Variants in SLC4A10 observed in about 807,000 individuals in gnomAD.
The protein encoded by SLC4A10 is solute carrier family 4 member 10.
A neutral mutation model predicts 137.7 loss-of-function variants in SLC4A10; 42 were observed. The ratio of observed to expected loss-of-function variants is 0.30; its 90% confidence interval spans 0.24 to 0.39. The LOEUF (loss-of-function observed/expected upper bound fraction) is 0.39. SLC4A10 is among the 10% of genes least tolerant of loss of function. The probability of loss-of-function intolerance (pLI) is 1.00; values close to 1 mark genes in which losing one functional copy is unlikely to be tolerated. For missense variants in SLC4A10, 925 were observed against 1,355.0 expected (o/e 0.68, Z 4.98); for synonymous variants, 474 against 464.1 (o/e 1.02, Z -0.27).
intron 4 of SLC4A10, among the ~76,000 whole-genome samples, chr2:161,843,704 T>C (rs567234818): frequency 5.8e-4 from 89 of 152,294 alleles, no homozygotes; most frequent in African/African-American, 1.6e-3. Flanking sequence ...ATTTTTCACA[T>C]GCAATTTAAT....
chr2:161,887,939 T>G (rs764849161), intron 10 of SLC4A10, among the ~76,000 whole-genome samples: 1 of 152,202 alleles, frequency 6.6e-6, no homozygotes, highest in Non-Finnish European at 1.5e-5. Context: ...GGGCTTTAGG[T>G]CTTACATTTA....
intron 15 of SLC4A10, among the ~76,000 whole-genome samples, chr2:161,907,186 A>G (rs1684639807): frequency 6.6e-6 from 1 of 152,208 alleles, no homozygotes; most frequent in Non-Finnish European, 1.5e-5. Flanking sequence ...ATTTTTGAAC[A>G]AGAAAAATCA....
intron 1 of SLC4A10, among the ~76,000 whole-genome samples, chr2:161,695,886 A>AT (rs1559049533): frequency 2.6e-5 from 4 of 152,200 alleles, no homozygotes; most frequent in African/African-American, 4.8e-5. Flanking sequence ...CTACCTGACA[A>AT]TTATTTATTT....
intron 1 of SLC4A10, among the ~76,000 whole-genome samples, chr2:161,755,647 A>C (rs2049536876): frequency 6.6e-6 from 1 of 151,900 alleles, no homozygotes; most frequent in South Asian, 2.1e-4. Context: ...TCTTTTAGAG[A>C]TTTTACATTT....
chr2:161,836,669 C>T lies in SLC4A10; in HGVS notation c.278-3120C>T, dbSNP rs553855901. 3.5e-4 allele frequency among the ~76,000 whole-genome samples: 50 copies of T among 141,462 alleles called. 3 individuals carry two copies. The highest frequency in any genetic ancestry group is 2.3e-4 in the Non-Finnish European group (15 of 64,518). 92.8% of individuals were successfully genotyped at this position (141,462 alleles called of 152,430 possible). On this transcript the variant is annotated intron_variant, in intron 3 of 26. Transcript: ENST00000446997. ...AAAATTTCTGGAAAAAAAAAAACCC[C>T]ATAAACTTACACATTGAAGAAGCTC...
At chr2:161,931,987 G>C (rs1690480945) in intron 15 of SLC4A10, among the ~76,000 whole-genome samples, 1 of 152,152 alleles carries the variant, frequency 6.6e-6, no homozygotes. Context: ...ACTCCTGCAA[G>C]AAATTTGCCA....
At chr2:161,814,500 C>T (rs373021067) in intron 3 of SLC4A10, among the ~76,000 whole-genome samples, 2 of 152,050 alleles carry the variant, frequency 1.3e-5, no homozygotes, top group Non-Finnish European at 2.9e-5. Context: ...GTGCTATTCA[C>T]CATGGCAAAG....
At chr2:161,919,901 G>A (rs931984637) in intron 15 of SLC4A10, among the ~76,000 whole-genome samples, 1 of 152,138 alleles carries the variant, frequency 6.6e-6, no homozygotes, top group Admixed American at 6.5e-5. Context: ...CCTCTTTGGG[G>A]CTCTGCAGTT....
intron 10 of SLC4A10, 105 bp downstream of exon 10, chr2:161,882,549 A>G: frequency 3.5e-6 from 2 of 574,860 alleles, no homozygotes; most frequent in South Asian, 8.4e-5. Context: ...ATTTCTCTGT[A>G]TTGAATCCCA....
intron 23 of SLC4A10, among the ~76,000 whole-genome samples, chr2:161,967,105 AT>A (rs1697740010): frequency 6.6e-6 from 1 of 152,146 alleles, no homozygotes; most frequent in Admixed American, 6.5e-5. Context: ...GAAAAAAAAA[AT>A]TCCCTGGCCA....
chr2:161,816,978 C>G (rs1431948968), intron 3 of SLC4A10, among the ~76,000 whole-genome samples: 6 of 152,240 alleles, frequency 3.9e-5, no homozygotes, highest in Admixed American at 3.9e-4. Context: ...GATTTATAGT[C>G]CTTTGGGTAT....
intron 12 of SLC4A10, chr2:161,901,890 C>G (rs1209186288): frequency 2.7e-6 from 1 of 371,488 alleles, no homozygotes; most frequent in African/African-American, 2.1e-5. Flanking sequence ...GTTACTCATT[C>G]TGTTTGCTTT....
intron 1 of SLC4A10, among the ~76,000 whole-genome samples, 194 bp downstream of exon 1, chr2:161,624,760 C>G (rs570157570): frequency 1.3e-5 from 2 of 151,958 alleles, no homozygotes; most frequent in African/African-American, 4.8e-5. Context: ...CCTCCCCCCC[C>G]CTTCTCAATA....
At chr2:161,966,743 A>AAAAC (rs1553645655) in intron 23 of SLC4A10, among the ~76,000 whole-genome samples, 1 of 149,726 alleles carries the variant, frequency 6.7e-6, no homozygotes, top group Admixed American at 6.7e-5. Context: ...CTCAAAAAAA[A>AAAAC]AAAAAACAAA....
chr2:161,932,130 A>T (rs1362454944), intron 15 of SLC4A10, among the ~76,000 whole-genome samples: 1 of 152,192 alleles, frequency 6.6e-6, no homozygotes, highest in East Asian at 1.9e-4. Context: ...AGTAACAGAG[A>T]AATCAATTTG....
chr2:161,765,164 T>C (rs1318221240), intron 1 of SLC4A10, among the ~76,000 whole-genome samples: 1 of 152,146 alleles, frequency 6.6e-6, no homozygotes, highest in Non-Finnish European at 1.5e-5. Flanking sequence ...ATAGTAAGTA[T>C]TGGTTTGTGA....
At chr2:161,713,390 A>C (rs2044503464) in intron 1 of SLC4A10, among the ~76,000 whole-genome samples, 1 of 151,810 alleles carries the variant, frequency 6.6e-6, no homozygotes, top group Admixed American at 6.6e-5. Flanking sequence ...TAGATTTAGT[A>C]GTTAGTAGAC....
At chr2:161,862,818 T>A in intron 5 of SLC4A10, 56 bp from the exon 6 acceptor site, 1 of 1,380,258 alleles carries the variant, frequency 7.2e-7, no homozygotes, top group South Asian at 1.9e-5. Flanking sequence ...GGTTCACGGC[T>A]GGCACACGTT....
At chr2:161,734,780 A>G (rs921487495) in intron 1 of SLC4A10, among the ~76,000 whole-genome samples, 1 of 151,962 alleles carries the variant, frequency 6.6e-6, no homozygotes, top group Admixed American at 6.6e-5. Flanking sequence ...TTAATTACAT[A>G]TTGATATTGT....
Sources: allele counts gnomAD v4.1 joint callset (sites outside exome capture counted in the v4.1 genomes callset), GRCh38; gene constraint gnomAD v4.1.1; transcripts MANE v1.5; gene names NCBI Gene and HGNC (gene_info 2026-07-23, HGNC 2026-07-21).